PLEC: variants seen among roughly 807,000 people sequenced by gnomAD.
The protein encoded by PLEC is plectin, also known as hemidesmosomal protein 1.
A neutral mutation model predicts 392.8 loss-of-function variants in PLEC; 216 were observed. The ratio of observed to expected loss-of-function variants is 0.55; its 90% confidence interval spans 0.49 to 0.62. PLEC has a LOEUF of 0.62. Among genes scored for constraint, PLEC ranks in the 20% least tolerant of loss-of-function variants. The pLI is 0.00. For synonymous variants in PLEC, 3,621 were observed against 2,980.6 expected (o/e 1.21, Z -7.00); for missense variants, 6,863 against 6,563.4 (o/e 1.05, Z -1.58).
chr8:143,942,124 C>G (rs2132447766), upstream of PLEC, among the ~76,000 whole-genome samples: 1 of 152,214 alleles, frequency 6.6e-6, no homozygotes, highest in Non-Finnish European at 1.5e-5. Context: ...AAAGCCCAGG[C>G]TGACGTGGAA....
Position 143,924,564 on chromosome 8 carries a change from G to A in PLEC, c.5365C>T (p.Leu1789=), listed in dbSNP as rs1554698095. The change falls in exon 31 of 32, where the codon CTG becomes TTG. Residue 1789 remains leucine (L), a synonymous_variant. Transcript: ENST00000345136. ...RSTSEKSKQR[L]EAEAGRFREL... is the part of the protein sequence containing the mutation. Reference sequence around the variant, plus strand: ...CGGAACCGGCCGGCCTCGGCCTCCAGCCTCTGCTTGGACTTCTCGCTGGTG... The same window carrying A: ...CGGAACCGGCCGGCCTCGGCCTCCAACCTCTGCTTGGACTTCTCGCTGGTG... The A allele has an allele frequency of 1.3e-6, 2 of 1,548,442 alleles. No homozygotes were observed. The highest frequency in any genetic ancestry group is 1.4e-5 in the African/African-American group (1 of 73,296).
chr8:143,932,273 C>T (rs782544973), intron 16 of PLEC, 39 bp from the exon 17 acceptor site: 2 of 1,609,168 alleles, frequency 1.2e-6, no homozygotes, highest in Admixed American at 3.3e-5. Flanking sequence ...CGGCCGGCCA[C>T]ACCCGGCTCT....
Position 143,916,484 on chromosome 8 carries a change from T to C in PLEC, c.13337A>G (p.Tyr4446Cys). ...TCPKTKLKIS[Y>C]KDALDRSMVE... is the part of the protein sequence containing the mutation. The stretch of plus-strand genomic sequence containing the variant: ...CATGCTGCGGTCCAGCGCGTCCTTA[T>C]AGGAGATCTTGAGCTTGGTCTTAGG... Residue 4446 changes from tyrosine to cysteine, a missense_variant, in exon 32 of 32, where the codon TAT becomes TGT. Transcript: ENST00000345136. 1 of 1,611,164 alleles carries C rather than the reference T, an allele frequency of 6.2e-7. No individual in the cohort carries two copies. Among genetic ancestry groups the C allele is most frequent in the Non-Finnish European group, 8.5e-7 (1 of 1,179,218 alleles).
In PLEC at chr8:143,922,937, A is replaced by C; in HGVS notation, c.6992T>G (p.Leu2331Arg). 1 of 1,606,234 alleles carries C rather than the reference A, an allele frequency of 6.2e-7. No homozygotes were observed. The highest frequency in any genetic ancestry group is 1.7e-4 in the Middle Eastern group (1 of 6,048). ...EATRLKAEAE[L>R]LQQQKELAQE... is the part of the protein sequence containing the mutation. ...CGCAAGCTCCTTCTGCTGCTGCAGC[A>C]GTTCCGCCTCAGCCTTGAGTCGCGT... is the stretch of plus-strand genomic sequence containing the variant. Residue 2331 changes from leucine to arginine, a missense_variant, in exon 31 of 32, where the codon CTG (leucine) becomes CGG (arginine). Transcript: ENST00000345136.
rs781815178 is a variant in PLEC, at chr8:143,930,188, G to A, written c.2568C>T (p.Phe856=). ...GSEAAVPSVC[F]LVPPPNQEAQ... ...CCTCCTGGTTGGGCGGGGGCACCAG[G>A]AAGCACACGGAGGGCACGGCGGCCT... The change falls in exon 21 of 32, where the codon TTC becomes TTT. Residue 856 remains phenylalanine, a synonymous_variant. Coordinates refer to ENST00000345136, the MANE Select transcript of PLEC (RefSeq NM_201384.3). 3.0e-5 allele frequency: 48 copies of A among 1,580,732 alleles called. No homozygotes were observed. The highest frequency in any genetic ancestry group is 4.1e-5 in the Non-Finnish European group (48 of 1,169,466).
intron 4 of PLEC, 22 bp downstream of exon 4, chr8:143,937,142 CA>C: frequency 6.2e-7 from 1 of 1,610,956 alleles, no homozygotes; most frequent in Non-Finnish European, 8.5e-7. Context: ...GGGTGGGGCC[CA>C]GGGCCTGCCG....
rs1738006349 is a variant in PLEC, at chr8:143,923,080, C to T, written c.6849G>A (p.Leu2283=). The change falls in exon 31 of 32, where the codon CTG becomes CTA. Residue 2283 remains leucine, a synonymous_variant. Coordinates refer to ENST00000345136, the MANE Select transcript of PLEC (RefSeq NM_201384.3). ...MKQVAEEAAR[L]SVAAQEAARL... Reference sequence around the variant, plus strand: ...GCGCAGCCTCTTGGGCCGCCACACTCAGCCGCGCGGCCTCCTCCGCCACCT... The same window carrying T: ...GCGCAGCCTCTTGGGCCGCCACACTTAGCCGCGCGGCCTCCTCCGCCACCT... 1 of 1,608,336 alleles carries T rather than the reference C, an allele frequency of 6.2e-7. No individual in the cohort carries two copies. Among genetic ancestry groups the T allele is most frequent in the African/African-American group, 1.3e-5 (1 of 74,850 alleles).
intron 1 of PLEC, among the ~76,000 whole-genome samples, chr8:143,949,679 G>T (rs920961582): frequency 2.6e-5 from 4 of 152,208 alleles, no homozygotes; most frequent in Non-Finnish European, 5.9e-5. Context: ...AGTCCAAGCT[G>T]GCCAAGCACT....
chr8:143,917,666 A>G lies in PLEC; in HGVS notation c.12155T>C (p.Ile4052Thr). The G allele has an allele frequency of 6.2e-7, 1 of 1,613,618 alleles. No homozygotes were observed. The highest frequency in any genetic ancestry group is 8.5e-7 in the Non-Finnish European group (1 of 1,180,006). The change falls in exon 32 of 32, where the codon ATC becomes ACC. Residue 4052 changes from isoleucine to threonine, a missense_variant. Transcript: ENST00000345136. ...CCGGTGGCTCTCCTCAGGGTCGATG[A>G]TGCCGCCCGTGGCGATCTGGGCCTC... ...LLEAQIATGG[I>T]IDPEESHRLP...
Position 143,932,112 on chromosome 8 carries a change from CT to C in PLEC, c.2082+17del. ...CACGGCCCCCCCCGCAGCCCCGCCC[CT>C]ACCCAGGGAGCCCCACCTCCACCGT... On this transcript the variant is annotated intron_variant, in intron 17 of 31. Transcript: ENST00000345136. The C allele has an allele frequency of 6.2e-7, 1 of 1,607,096 alleles. No individual in the cohort carries two copies. The highest frequency in any genetic ancestry group is 8.5e-7 in the Non-Finnish European group (1 of 1,178,182).
upstream of PLEC, among the ~76,000 whole-genome samples, chr8:143,942,848 G>A (rs986363560): frequency 1.3e-5 from 2 of 152,242 alleles, no homozygotes; most frequent in Non-Finnish European, 2.9e-5. Context: ...GCAGGGCATG[G>A]GGCCAGGTGG....
At chr8:143,953,448 CCCGCCGCCGCCGCCG>C (rs1174485406), upstream of PLEC, among the ~76,000 whole-genome samples, 5 of 151,078 alleles carry the variant, frequency 3.3e-5, no homozygotes, top group Admixed American at 6.6e-5. Flanking sequence ...CTGTCCCCGC[CCCGCCGCCGCCGCCG>C]CCGCCGCCGC....
exon 1 of PLEC, chr8:143,950,200 C>T: frequency 6.5e-7 from 1 of 1,534,790 alleles, no homozygotes; most frequent in African/African-American, 1.4e-5. Flanking sequence ...CTGGGGCAGG[C>T]TCCGGGCCTG....
upstream of PLEC, among the ~76,000 whole-genome samples, chr8:143,940,650 T>A (rs1830285908): frequency 6.6e-6 from 1 of 152,158 alleles, no homozygotes; most frequent in Admixed American, 6.5e-5. Context: ...ACAAGAATGT[T>A]CCAGCCGCAC....
chr8:143,924,858 C>T lies in PLEC; in HGVS notation c.5071G>A (p.Glu1691Lys). ...TGCCGCTGCTTCTCCAGCTCTTGTT[C>T]AGCCAGCTCCCGCTGCCGGACGGCC... is the stretch of plus-strand genomic sequence containing the variant. ...EQAVRQRELA[E>K]QELEKQRQLA... The change falls in exon 31 of 32, where the codon GAA (glutamate) becomes AAA (lysine). Residue 1691 changes from glutamate (E) to lysine (K), a missense_variant. Physicochemically the swap from Glu to Lys is moderately conservative, Grantham distance 56. Coordinates refer to ENST00000345136, the MANE Select transcript of PLEC (RefSeq NM_201384.3). 3 of 1,587,274 alleles carry T rather than the reference C, an allele frequency of 1.9e-6. No homozygotes were observed. Among genetic ancestry groups the T allele is most frequent in the Non-Finnish European group, 2.6e-6 (3 of 1,174,432 alleles).
intron 1 of PLEC, among the ~76,000 whole-genome samples, chr8:143,949,903 T>C (rs1831936838): frequency 6.6e-6 from 1 of 151,676 alleles, no homozygotes; most frequent in Admixed American, 6.6e-5. Context: ...GCAAGGGCAG[T>C]GTTGGAGAGA....
upstream of PLEC, among the ~76,000 whole-genome samples, chr8:143,958,432 C>T (rs908099932): frequency 6.6e-5 from 10 of 152,150 alleles, no homozygotes; most frequent in East Asian, 1.9e-4. The surrounding 1 kb of genome is among the most constrained non-coding windows in gnomAD (Gnocchi z 4.9). Context: ...GACCAATTTG[C>T]GGGGAAGGTC....
chr8:143,921,349 C>T lies in PLEC; in HGVS notation c.8472G>A (p.Val2824=). Residue 2824 remains valine, a synonymous_variant, in exon 32 of 32, where the codon GTG becomes GTA. Coordinates refer to ENST00000345136, the MANE Select transcript of PLEC (RefSeq NM_201384.3). ...GVIDPVHSHR[V]PVDVAYRRGY... is the part of the protein sequence containing the mutation. ...CGCGCCGGTAGGCCACGTCCACGGGCACGCGGTGGCTGTGCACGGGGTCGA... is the reference window on the plus strand; with the variant it reads ...CGCGCCGGTAGGCCACGTCCACGGGTACGCGGTGGCTGTGCACGGGGTCGA... 1 of 1,613,680 alleles carries T rather than the reference C, an allele frequency of 6.2e-7. No homozygotes were observed. The highest frequency in any genetic ancestry group is 8.5e-7 in the Non-Finnish European group (1 of 1,179,940).
Position 143,924,341 on chromosome 8 carries a change from TTCTCCGCCTCCTTCTCCTTGAGCGCGA to T in PLEC, c.5561_5587del (p.Ile1854_Glu1862del). The T allele has an allele frequency of 6.3e-7, 1 of 1,596,984 alleles. No individual in the cohort carries two copies. The highest frequency in any genetic ancestry group is 8.5e-7 in the Non-Finnish European group (1 of 1,178,766). ...CTCCGCCAGCCGCCGCAGGCGCTCG[TTCTCCGCCTCCTTCTCCTTGAGCGCGA>T]TCTCCGCCTCCGTCTTGAGCCGCGT... On this transcript the variant is annotated inframe_deletion, in exon 31 of 32. Transcript: ENST00000345136.
Sources: gnomAD v4.1 joint callset for allele counts (sites outside exome capture counted in the v4.1 genomes callset) on GRCh38, gnomAD v4.1.1 for gene constraint, Gnocchi (gnomAD v3.1) non-coding constraint, MANE v1.5 for transcripts, NCBI Gene and HGNC (gene_info 2026-07-23, HGNC 2026-07-21) for gene names.